UNC13C: variants seen among roughly 807,000 people sequenced by gnomAD.
UNC13C encodes the protein unc-13 homolog C, also known as protein unc-13 homolog C.
In UNC13C, 174 loss-of-function variants were observed where a neutral mutation model predicts 245.4. The ratio of observed to expected loss-of-function variants is 0.71; its 90% CI spans 0.63 to 0.80. UNC13C has a LOEUF of 0.80. Among genes scored for constraint, UNC13C ranks in the 30% least tolerant of loss-of-function variants. The probability of loss-of-function intolerance (pLI) is 0.00; values close to 1 mark genes in which losing one functional copy is unlikely to be tolerated. For synonymous variants in UNC13C, 992 were observed against 895.1 expected (o/e 1.11, Z -1.93); for missense variants, 2,829 against 2,602.9 (o/e 1.09, Z -1.89).
chr15:54,314,802 T>G (rs1318833060), intron 13 of UNC13C, among the ~76,000 whole-genome samples: 1 of 151,772 alleles, frequency 6.6e-6, no homozygotes, highest in Non-Finnish European at 1.5e-5. Context: ...ATTCTAAATC[T>G]TCAGTTATAA....
At chr15:54,321,375 A>G (rs1162678915) in intron 13 of UNC13C, 1 of 484,556 alleles carries the variant, frequency 2.1e-6, no homozygotes, top group Non-Finnish European at 4.1e-6. Context: ...TTTCAAATTT[A>G]AGTGGGTACC....
chr15:54,057,484 A>G (rs1163839879), intron 2 of UNC13C, among the ~76,000 whole-genome samples: 1 of 151,602 alleles, frequency 6.6e-6, no homozygotes, highest in Non-Finnish European at 1.5e-5. Flanking sequence ...ACCTACAAAG[A>G]GACTTAGACT....
intron 17 of UNC13C, among the ~76,000 whole-genome samples, chr15:54,373,689 C>T (rs918704261): frequency 2.0e-5 from 3 of 152,166 alleles, no homozygotes; most frequent in African/African-American, 7.2e-5. Flanking sequence ...TCTGGGTTCC[C>T]CGAAGGGCTG....
intron 17 of UNC13C, among the ~76,000 whole-genome samples, chr15:54,377,650 C>T (rs1457809619): frequency 6.6e-6 from 1 of 152,182 alleles, no homozygotes; most frequent in African/African-American, 2.4e-5. Context: ...GATGAAGGTG[C>T]TAGCAGATTT....
At chr15:54,297,544 A>T (rs2037468879) in intron 11 of UNC13C, among the ~76,000 whole-genome samples, 1 of 152,018 alleles carries the variant, frequency 6.6e-6, no homozygotes, top group African/African-American at 2.4e-5. Context: ...TGTAGAGACT[A>T]GATCTTGCTA....
chr15:54,168,198 T>C (rs2033255364), intron 4 of UNC13C, among the ~76,000 whole-genome samples: 3 of 152,216 alleles, frequency 2.0e-5, no homozygotes, highest in African/African-American at 7.2e-5. Context: ...AGCTTTAAAA[T>C]ATACTTGACT....
At chr15:54,017,484 A>ATATG (rs1555403862) in intron 2 of UNC13C, among the ~76,000 whole-genome samples, 2 of 147,484 alleles carry the variant, frequency 1.4e-5, no homozygotes, top group Non-Finnish European at 3.0e-5. Flanking sequence ...GTGCATGAGC[A>ATATG]TGTGTGTGTG....
Position 54,301,479 on chromosome 15 carries a change from C to T in UNC13C, c.4268+1106C>T, listed in dbSNP as rs371445311. Among the ~76,000 whole-genome samples the T allele has an allele frequency of 1.1e-4, 16 of 152,102 alleles. 1 individual carries two copies. In the South Asian group the frequency reaches 2.7e-3, roughly 26 times the overall value. ...ACAGGCCCCGGTGTGTGATGTTCCC[C>T]GCCCTGTGTCCATGTGTTCTCATTG... On this transcript the variant is annotated intron_variant, in intron 13 of 32. Transcript: ENST00000260323.
At chr15:54,132,438 A>G (rs1159894830) in intron 2 of UNC13C, among the ~76,000 whole-genome samples, 1 of 152,274 alleles carries the variant, frequency 6.6e-6, no homozygotes, top group East Asian at 1.9e-4. Flanking sequence ...TTATGAGTTA[A>G]ATCAGCATTA....
intron 4 of UNC13C, among the ~76,000 whole-genome samples, chr15:54,193,518 C>T (rs892005543): frequency 3.3e-5 from 5 of 152,132 alleles, no homozygotes; most frequent in African/African-American, 9.7e-5. Flanking sequence ...AAGCTTCCAT[C>T]TCTGTTGAGC....
intron 4 of UNC13C, among the ~76,000 whole-genome samples, chr15:54,205,872 G>A (rs952344584): frequency 9.9e-5 from 15 of 152,036 alleles, no homozygotes; most frequent in African/African-American, 3.1e-4. Context: ...TAATAAGGAA[G>A]TAATCCAGTC....
At chr15:53,929,534 A>G in the UNC13C span, among the ~76,000 whole-genome samples, 14 of 152,178 alleles carry the variant, frequency 9.2e-5, 1 homozygote, top group African/African-American at 3.1e-4. Context: ...ATATTTAGAA[A>G]TGTTTAACAT....
At chr15:54,057,663 T>G (rs1897599524) in intron 2 of UNC13C, among the ~76,000 whole-genome samples, 1 of 152,160 alleles carries the variant, frequency 6.6e-6, no homozygotes, top group African/African-American at 2.4e-5. Flanking sequence ...TATACATTCT[T>G]TTCAGCACCA....
chr15:54,036,729 T>A (rs969678963), intron 2 of UNC13C, among the ~76,000 whole-genome samples: 2 of 152,232 alleles, frequency 1.3e-5, no homozygotes, highest in Non-Finnish European at 2.9e-5. Flanking sequence ...TCCACCTTCA[T>A]CTGTCATTCC....
intron 1 of UNC13C, among the ~76,000 whole-genome samples, chr15:53,983,566 T>C (rs1388677537): frequency 1.3e-5 from 2 of 152,104 alleles, no homozygotes; most frequent in Non-Finnish European, 2.9e-5. Flanking sequence ...TGCCACAGTA[T>C]TACTGGAGAG....
chr15:54,294,039 A>G lies in UNC13C; in HGVS notation c.3963A>G (p.Gly1321=). ...QTIVEVRTLS[G]EMDVWYNLEK... ...TTGTAGAAGTGAGGACCTTGAGTGG[A>G]GAAATGGATGTCTGGTACAACTTAG... The change falls in exon 11 of 33, where the codon GGA becomes GGG. Residue 1321 remains glycine (G), a synonymous_variant. Transcript: ENST00000260323. 1 of 1,564,402 alleles carries G rather than the reference A, an allele frequency of 6.4e-7. No homozygotes were observed. Among genetic ancestry groups the G allele is most frequent in the Non-Finnish European group, 8.6e-7 (1 of 1,161,136 alleles).
chr15:54,552,680 AATTATATAATTATAT>A (rs1896856962), intron 28 of UNC13C, among the ~76,000 whole-genome samples: 1 of 84,524 alleles, frequency 1.2e-5, no homozygotes, highest in Non-Finnish European at 1.9e-5. Context: ...TATATAATAT[AATTATATAATTATAT>A]ATTATATATA....
chr15:54,625,956 T>C (rs998335563), intron 32 of UNC13C, among the ~76,000 whole-genome samples: 8 of 152,178 alleles, frequency 5.3e-5, no homozygotes, highest in Non-Finnish European at 1.5e-5. Flanking sequence ...TTTCACATTA[T>C]TTCAGATTCT....
chr15:54,004,286 A>G (rs1895040188), intron 1 of UNC13C, among the ~76,000 whole-genome samples: 1 of 152,124 alleles, frequency 6.6e-6, no homozygotes, highest in Non-Finnish European at 1.5e-5. Flanking sequence ...CGCCTGGCTT[A>G]TTTCACTTAA....
Sources: allele counts gnomAD v4.1 joint callset (sites outside exome capture counted in the v4.1 genomes callset), GRCh38; gene constraint gnomAD v4.1.1; transcripts MANE v1.5; gene names NCBI Gene and HGNC (gene_info 2026-07-23, HGNC 2026-07-21).